Variants in NINL observed in about 807,000 individuals in gnomAD.
NINL encodes the protein ninein like.
NINL carries 153 observed loss-of-function variants against 160.3 expected under a neutral mutation model. The observed-to-expected ratio is 0.95, with a 90% CI of 0.84 to 1.09. The LOEUF (loss-of-function observed/expected upper bound fraction) is 1.09, where lower values mean the gene tolerates loss of function less well. Among genes scored for constraint, NINL ranks in the 50% least tolerant of loss-of-function variants. The probability of loss-of-function intolerance (pLI) is 0.00; values close to 1 mark genes in which losing one functional copy is unlikely to be tolerated. For synonymous variants in NINL, 800 were observed against 734.8 expected (o/e 1.09, Z -1.43); for missense variants, 1,829 against 1,764.0 (o/e 1.04, Z -0.66).
intron 11 of NINL, among the ~76,000 whole-genome samples, 185 bp from the exon 12 acceptor site, chr20:25,490,170 A>G (rs2063595327): frequency 6.6e-6 from 1 of 152,230 alleles, no homozygotes; most frequent in Admixed American, 6.5e-5. Context: ...CTCCCAGGAC[A>G]GACGCCAGAG....
intron 21 of NINL, among the ~76,000 whole-genome samples, chr20:25,459,199 A>G (rs888918578): frequency 5.9e-5 from 9 of 152,196 alleles, no homozygotes; most frequent in Non-Finnish European, 1.3e-4. Context: ...CCCAAGACGG[A>G]GTGGGAATCA....
At chr20:25,525,414 G>T (rs908146065) in intron 2 of NINL, among the ~76,000 whole-genome samples, 2 of 152,228 alleles carry the variant, frequency 1.3e-5, no homozygotes, top group African/African-American at 4.8e-5. Context: ...CACTTTGGGA[G>T]GCCAAGGCAC....
intron 21 of NINL, among the ~76,000 whole-genome samples, chr20:25,460,784 G>A (rs1245240257): frequency 6.6e-6 from 1 of 152,174 alleles, no homozygotes; most frequent in African/African-American, 2.4e-5. Context: ...GGGACCAGGT[G>A]CAGAGGCTCA....
chr20:25,563,044 TAGTCCC>T (rs1170542889), intron 1 of NINL, among the ~76,000 whole-genome samples: 1 of 152,210 alleles, frequency 6.6e-6, no homozygotes, highest in African/African-American at 2.4e-5. Context: ...CGGGCGCCTG[TAGTCCC>T]AGCTACTTAG....
intron 1 of NINL, among the ~76,000 whole-genome samples, chr20:25,538,904 A>G (rs950370204): frequency 6.6e-6 from 1 of 152,142 alleles, no homozygotes; most frequent in Admixed American, 6.5e-5. Context: ...GCCCTGACCA[A>G]GGGTGGCAGC....
intron 5 of NINL, 77 bp from the exon 6 acceptor site, chr20:25,505,155 G>T: frequency 7.4e-7 from 1 of 1,344,566 alleles, no homozygotes; most frequent in Non-Finnish European, 1.0e-6. Flanking sequence ...AAAGAAGGAC[G>T]TTCTGCCCTT....
rs981152169 is a variant in NINL, at chr20:25,502,286, T to C, written c.862-1276A>G. Among the ~76,000 whole-genome samples, 9 of 152,166 alleles carry C rather than the reference T, an allele frequency of 5.9e-5. 1 individual carries two copies. Among genetic ancestry groups the C allele is most frequent in the East Asian group, 1.9e-4 (1 of 5,190 alleles). On this transcript the variant is annotated intron_variant, in intron 7 of 23. Transcript: ENST00000278886. ...CGTGAGCCACCATGCCCGGCCCTCA[T>C]TGACTTTAGAGTCAGAAACCTAGAT...
chr20:25,511,554 C>T (rs16987806), intron 4 of NINL, among the ~76,000 whole-genome samples: 17,240 of 152,078 alleles, frequency 0.11, 1,089 homozygotes, highest in African/African-American at 0.16. Context: ...GTGATAAATA[C>T]GCAACCCCAT....
At chr20:25,515,035 G>C (rs1016699591) in intron 3 of NINL, among the ~76,000 whole-genome samples, 88 of 152,362 alleles carry the variant, frequency 5.8e-4, no homozygotes, top group African/African-American at 2.0e-3. Context: ...TCCCCACTGG[G>C]CACTGCCTAG....
chr20:25,493,193 G>A (rs761649096), intron 10 of NINL, among the ~76,000 whole-genome samples: 5 of 152,192 alleles, frequency 3.3e-5, no homozygotes, highest in Non-Finnish European at 7.3e-5. Flanking sequence ...CTCAAACTGA[G>A]TATGAGTCAA....
chr20:25,470,634 C>T (rs150345866), intron 17 of NINL, among the ~76,000 whole-genome samples: 23 of 152,324 alleles, frequency 1.5e-4, no homozygotes, highest in African/African-American at 5.3e-4. Context: ...TCTCTGACAA[C>T]TCAGGGAGTC....
Position 25,476,659 on chromosome 20 carries a change from G to A in NINL, c.2632C>T (p.Arg878Cys), listed in dbSNP as rs6138581. 6.4e-4 allele frequency: 1,011 copies of A among 1,587,630 alleles called. 12 individuals are homozygous for A. The East Asian group carries it at 0.017, about 27-fold the overall frequency. ...TCTGTGTCCTGGGCTTGCCTGCGGC[G>A]AGGCCCGGCTCCTGCCGCCTCCTCA... ...ESEEAAGAGP[R>C]RRQAQDTEAT... The change falls in exon 17 of 24, where the codon CGC (arginine) becomes TGC (cysteine). Residue 878 changes from arginine (R) to cysteine (C), a missense_variant. Coordinates refer to ENST00000278886, the MANE Select transcript of NINL (RefSeq NM_025176.6).
At chr20:25,473,675 T>TACACATACACAC (rs2063162544) in intron 17 of NINL, among the ~76,000 whole-genome samples, 1 of 137,904 alleles carries the variant, frequency 7.3e-6, no homozygotes, top group Non-Finnish European at 1.6e-5. Context: ...AATACACACA[T>TACACATACACAC]ACACACACAC....
intron 3 of NINL, among the ~76,000 whole-genome samples, chr20:25,514,523 G>A (rs1019851577): frequency 6.6e-6 from 1 of 152,212 alleles, no homozygotes; most frequent in African/African-American, 2.4e-5. Context: ...ATTTTCAGGG[G>A]AGGAAGGAAC....
At chr20:25,454,085 T>C (rs983568761) in intron 23 of NINL, among the ~76,000 whole-genome samples, 1 of 151,848 alleles carries the variant, frequency 6.6e-6, no homozygotes, top group African/African-American at 2.4e-5. Context: ...ACACAAATAC[T>C]GGATTATAAT....
chr20:25,564,088 G>A (rs987294800), intron 1 of NINL, among the ~76,000 whole-genome samples: 1 of 151,030 alleles, frequency 6.6e-6, no homozygotes, highest in Non-Finnish European at 1.5e-5. Flanking sequence ...GTAGCTGGGT[G>A]TGGTGGCACA....
rs2063240517 is a variant in NINL, at chr20:25,476,422, TC to T, written c.2868del (p.Met957CysfsTer6). 6.2e-7 allele frequency: 1 copy of T among 1,606,510 alleles called. No homozygotes were observed. The highest frequency in any genetic ancestry group is 8.5e-7 in the Non-Finnish European group (1 of 1,178,790). Reference sequence around the variant, plus strand: ...GCCGGCCTCAGGGGTGGCTCCCACATCCGTGGCTGGGTTTGCGAGGCGTCTC... The same window carrying T: ...GCCGGCCTCAGGGGTGGCTCCCACATCGTGGCTGGGTTTGCGAGGCGTCTC... ...TERDASQTQP[R>X]MWEPPLRPAA... On this transcript the variant is annotated frameshift_variant, in exon 17 of 24. Transcript: ENST00000278886. LOFTEE classifies it high-confidence loss of function.
In NINL at chr20:25,526,539, T is replaced by G. The variant is rs200233667; in HGVS notation, c.49A>C (p.Ser17Arg). 1 of 1,614,224 alleles carries G rather than the reference T, an allele frequency of 6.2e-7. No individual in the cohort carries two copies. Among genetic ancestry groups the G allele is most frequent in the Non-Finnish European group, 8.5e-7 (1 of 1,180,042 alleles). The change falls in exon 2 of 24, where the codon AGC becomes CGC. Residue 17 changes from serine (S) to arginine (R), a missense_variant. Transcript: ENST00000278886. ...CCAGTCCCCGTGGTGTCGCAGCTGC[T>G]GTAGACTTCCCTGAGCTGCGAGACA... Reference protein sequence around the residue: ...HYVSQLREVYSSCDTTGTGFL... With the variant: ...HYVSQLREVYRSCDTTGTGFL...
chr20:25,485,066 G>A (rs970129253), intron 13 of NINL, among the ~76,000 whole-genome samples: 17 of 152,168 alleles, frequency 1.1e-4, no homozygotes, highest in African/African-American at 3.6e-4. Context: ...ATGAAAAAGC[G>A]AGGAGGACAA....
Sources: allele counts gnomAD v4.1 joint callset (sites outside exome capture counted in the v4.1 genomes callset), GRCh38; gene constraint gnomAD v4.1.1; transcripts MANE v1.5; gene names NCBI Gene and HGNC (gene_info 2026-07-23, HGNC 2026-07-21).